The following CDC42EP3 variants were observed in gnomAD, a reference collection of about 807,000 sequenced individuals.
CDC42EP3 encodes the protein CDC42 effector protein 3.
CDC42EP3 carries 4 observed loss-of-function variants against 15.5 expected under a neutral mutation model. The ratio of observed to expected loss-of-function variants is 0.26; its 90% CI spans 0.13 to 0.59. CDC42EP3 has a LOEUF of 0.59. Among genes scored for constraint, CDC42EP3 ranks in the 20% least tolerant of loss-of-function variants. The pLI, the probability that CDC42EP3 is intolerant of heterozygous loss-of-function variation, is 0.89. For missense variants in CDC42EP3, 309 were observed against 311.2 expected, an observed-to-expected ratio of 0.99 and a Z score of 0.05; for synonymous variants, 145 against 130.3, an observed-to-expected ratio of 1.11 and a Z score of -0.77.
At chr2:37,669,768 T>A (rs1225550513) in intron 1 of CDC42EP3, among the ~76,000 whole-genome samples, 1 of 152,244 alleles carries the variant, frequency 6.6e-6, no homozygotes, top group East Asian at 1.9e-4. Context: ...TGGTGCTGTT[T>A]TATTCAAATG....
chr2:37,662,773 G>A (rs909110499), intron 1 of CDC42EP3, among the ~76,000 whole-genome samples: 8 of 152,320 alleles, frequency 5.3e-5, no homozygotes, highest in East Asian at 1.9e-4. Context: ...TTCTGAAGCC[G>A]TCTGAGAGCA....
At chr2:37,669,856 G>C (rs1400843045) in intron 1 of CDC42EP3, among the ~76,000 whole-genome samples, 1 of 152,188 alleles carries the variant, frequency 6.6e-6, no homozygotes, top group African/African-American at 2.4e-5. Flanking sequence ...TATAGAAAGG[G>C]CCTTTATCAT....
chr2:37,670,731 A>G (rs1666387791), intron 1 of CDC42EP3, among the ~76,000 whole-genome samples: 1 of 152,168 alleles, frequency 6.6e-6, no homozygotes, highest in Non-Finnish European at 1.5e-5. Context: ...CTTTCTATTT[A>G]TAAGATGAAA....
rs941244692 is a variant in CDC42EP3 at position 37,645,959 on chromosome 2, G to A, written c.629C>T (p.Pro210Leu). The A allele has an allele frequency of 2.5e-6, 4 of 1,614,078 alleles. No homozygotes were observed. The highest frequency in any genetic ancestry group is 1.3e-5 in the African/African-American group (1 of 75,050). The change falls in exon 2 of 2, where the codon CCA (proline) becomes CTA (leucine). Residue 210 changes from proline to leucine, a missense_variant. Coordinates refer to ENST00000295324, the MANE Select transcript of CDC42EP3 (RefSeq NM_006449.5). Reference sequence around the variant, plus strand: ...AGTCTTTCCCTTGATGAGCTCGCATGGGGTGGGATGGTCAAACATGTCCTC... The same window carrying A: ...AGTCTTTCCCTTGATGAGCTCGCATAGGGTGGGATGGTCAAACATGTCCTC... ...PAEDMFDHPT[P>L]CELIKGKTKS...
rs1416788928 is a variant in CDC42EP3 at position 37,671,530 on chromosome 2, C to T, written c.-340G>A. ...GCCGAGTCTGCCGGCGTGGTGCCTGCTCACCGCATTATCCGCTCCGAGACG... is the reference window on the plus strand; with the variant it reads ...GCCGAGTCTGCCGGCGTGGTGCCTGTTCACCGCATTATCCGCTCCGAGACG... On this transcript the variant is annotated 5_prime_UTR_variant, in exon 1 of 2. Transcript: ENST00000295324. 6.6e-6 allele frequency: 1 copy of T among 152,248 alleles called. No individual in the cohort carries two copies. The highest frequency in any genetic ancestry group is 2.1e-4 in the South Asian group (1 of 4,836). 9.4% of individuals were successfully genotyped at this position (152,248 alleles called of 1,614,324 possible).
At chr2:37,662,152 G>C (rs190249236) in intron 1 of CDC42EP3, among the ~76,000 whole-genome samples, 1 of 152,040 alleles carries the variant, frequency 6.6e-6, no homozygotes, top group South Asian at 2.1e-4. Context: ...TTTTACCAGC[G>C]AATACAATTT....
chr2:37,660,852 T>G (rs1369123809), intron 1 of CDC42EP3, among the ~76,000 whole-genome samples: 1 of 150,038 alleles, frequency 6.7e-6, no homozygotes, highest in Non-Finnish European at 1.5e-5. Flanking sequence ...ATCTGGAGGG[T>G]GTAGGGTTAG....
rs1273383022 is a variant in CDC42EP3 at position 37,645,428 on chromosome 2, T to C, written c.*395A>G. 5 of 158,716 alleles carry C rather than the reference T, an allele frequency of 3.2e-5. No homozygotes were observed. The highest frequency in any genetic ancestry group is 6.9e-5 in the Non-Finnish European group (5 of 72,396). 9.8% of individuals were successfully genotyped at this position (158,716 alleles called of 1,614,324 possible). A position where few individuals can be genotyped will look rare whatever the true frequency, so the allele number is the denominator to read the frequency against. ...CAAAAAGGCTTAGGTGTTAAATAAA[T>C]TTTGACTTCCTCTTGCTCAGAAAAT... On this transcript the variant is annotated 3_prime_UTR_variant, in exon 2 of 2. Transcript: ENST00000295324.
intron 1 of CDC42EP3, among the ~76,000 whole-genome samples, chr2:37,659,218 A>T (rs1162697322): frequency 6.6e-6 from 1 of 152,232 alleles, no homozygotes; most frequent in African/African-American, 2.4e-5. Flanking sequence ...TAAACAAATG[A>T]GAAAGCTTGA....
intron 1 of CDC42EP3, among the ~76,000 whole-genome samples, chr2:37,652,543 G>T (rs933978420): frequency 6.6e-6 from 1 of 152,030 alleles, no homozygotes; most frequent in African/African-American, 2.4e-5. Flanking sequence ...ACATTCACTC[G>T]TGTCTGTCCT....
At chr2:37,664,037 T>A (rs192146488) in intron 1 of CDC42EP3, among the ~76,000 whole-genome samples, 4 of 151,982 alleles carry the variant, frequency 2.6e-5, no homozygotes, top group Non-Finnish European at 5.9e-5. Flanking sequence ...AGCCGGTCGT[T>A]GTGGAGGGTG....
intron 1 of CDC42EP3, among the ~76,000 whole-genome samples, chr2:37,666,670 T>A (rs539957885): frequency 1.3e-5 from 2 of 152,334 alleles, no homozygotes; most frequent in African/African-American, 4.8e-5. Flanking sequence ...TAGTAATCTT[T>A]TAAATCTCAG....
In CDC42EP3 at chr2:37,645,626, A is replaced by AGAT. The variant is rs1665425021; in HGVS notation, c.*194_*196dup. 1 of 457,660 alleles carries AGAT rather than the reference A, an allele frequency of 2.2e-6. No individual in the cohort carries two copies. Among genetic ancestry groups the AGAT allele is most frequent in the Admixed American group, 3.8e-5 (1 of 26,112 alleles). 28.3% of individuals were successfully genotyped at this position (457,660 alleles called of 1,614,324 possible). On this transcript the variant is annotated 3_prime_UTR_variant, in exon 2 of 2. Coordinates refer to ENST00000295324, the MANE Select transcript of CDC42EP3 (RefSeq NM_006449.5). ...TCTGACTCACTTCCTTTTTTTGCCA[A>AGAT]GATAGGTTTTGCTTTGTTGTTTTTT...
At chr2:37,660,829 TGGAA>T (rs1666034065) in intron 1 of CDC42EP3, among the ~76,000 whole-genome samples, 2 of 151,186 alleles carry the variant, frequency 1.3e-5, no homozygotes, top group African/African-American at 4.9e-5. Context: ...GTAGCAGACC[TGGAA>T]ATGATGGGAT....
At chr2:37,670,772 G>C (rs1381499201) in intron 1 of CDC42EP3, among the ~76,000 whole-genome samples, 1 of 129,662 alleles carries the variant, frequency 7.7e-6, no homozygotes, top group Non-Finnish European at 1.7e-5. Context: ...GAGAGGGATA[G>C]AGTATAATAA....
At chr2:37,652,623 G>A (rs1665726748) in intron 1 of CDC42EP3, among the ~76,000 whole-genome samples, 1 of 152,108 alleles carries the variant, frequency 6.6e-6, no homozygotes, top group Non-Finnish European at 1.5e-5. Flanking sequence ...GGAGTGCAGT[G>A]GCATGATCAC....
At chr2:37,653,591 A>G (rs959470448) in intron 1 of CDC42EP3, among the ~76,000 whole-genome samples, 1 of 152,148 alleles carries the variant, frequency 6.6e-6, no homozygotes, top group Admixed American at 6.5e-5. Flanking sequence ...TTAAAAAATG[A>G]CAGACAGAAA....
In CDC42EP3 at chr2:37,643,880, G is replaced by A. The variant is rs1046104810; in HGVS notation, c.*1943C>T. 2 of 152,042 alleles carry A rather than the reference G, an allele frequency of 1.3e-5. No homozygotes were observed. The highest frequency in any genetic ancestry group is 2.9e-5 in the Non-Finnish European group (2 of 68,024). 9.4% of individuals were successfully genotyped at this position (152,042 alleles called of 1,614,324 possible). Reference sequence around the variant, plus strand: ...TAACGAAATACAACTGAGAAGTTACGGAAAGCACACAATGCCCTAGGGCAA... The same window carrying A: ...TAACGAAATACAACTGAGAAGTTACAGAAAGCACACAATGCCCTAGGGCAA... On this transcript the variant is annotated 3_prime_UTR_variant, in exon 2 of 2. Coordinates refer to ENST00000295324, the MANE Select transcript of CDC42EP3 (RefSeq NM_006449.5).
rs1378572459 is a variant in CDC42EP3, at chr2:37,643,238, G to A, written c.*2585C>T. On this transcript the variant is annotated 3_prime_UTR_variant, in exon 2 of 2. Coordinates refer to ENST00000295324, the MANE Select transcript of CDC42EP3 (RefSeq NM_006449.5). The stretch of plus-strand genomic sequence containing the variant: ...AGAACATCAATTCAGCTCACAGCAG[G>A]TATGGGTCTAAAGTGCCTCTCTGCA... 1 of 152,316 alleles carries A rather than the reference G, an allele frequency of 6.6e-6. No homozygotes were observed. Among genetic ancestry groups the A allele is most frequent in the Middle Eastern group, 3.4e-3 (1 of 294 alleles). The allele number at this position is 152,316 out of a possible 1,614,324, so 9.4% of individuals were successfully genotyped here. A position where few individuals can be genotyped will look rare whatever the true frequency, so the allele number is the denominator to read the frequency against.
Sources: allele counts gnomAD v4.1 joint callset (sites outside exome capture counted in the v4.1 genomes callset), GRCh38; gene constraint gnomAD v4.1.1; transcripts MANE v1.5; gene names NCBI Gene and HGNC (gene_info 2026-07-23, HGNC 2026-07-21).